The following GALNT13 variants were observed in gnomAD, a reference collection of about 807,000 sequenced individuals.
GALNT13 encodes the protein UDP-GalNAc:polypeptide N-acetylgalactosaminyltransferase 13.
In GALNT13, 28 loss-of-function variants were observed where a neutral mutation model predicts 64.2. The observed-to-expected ratio is 0.44, with a 90% CI of 0.32 to 0.60. The LOEUF (loss-of-function observed/expected upper bound fraction) is 0.60. Ranked by LOEUF, GALNT13 falls within the 20% of genes least tolerant of loss-of-function variation. The probability of loss-of-function intolerance (pLI) is 0.05; values close to 1 mark genes in which losing one functional copy is unlikely to be tolerated. For synonymous variants in GALNT13, 214 were observed against 224.6 expected (o/e 0.95, Z 0.42); for missense variants, 577 against 669.8 (o/e 0.86, Z 1.53).
At chr2:153,719,597 G>T in the GALNT13 span, among the ~76,000 whole-genome samples, 6 of 152,130 alleles carry the variant, frequency 3.9e-5, no homozygotes, top group Non-Finnish European at 8.8e-5. Context: ...CAGGCCAGTG[G>T]GTGCGCGCAC....
chr2:154,317,241 G>T (rs2105149436), intron 9 of GALNT13, among the ~76,000 whole-genome samples: 1 of 151,932 alleles, frequency 6.6e-6, no homozygotes, highest in Non-Finnish European at 1.5e-5. Context: ...ATGGTGTAGG[G>T]TTTTTACTAA....
the GALNT13 span, among the ~76,000 whole-genome samples, chr2:153,397,516 G>T: frequency 6.6e-6 from 1 of 152,038 alleles, no homozygotes; most frequent in Middle Eastern, 3.4e-3. Context: ...TCTAGAGAAA[G>T]ATTTATCTCA....
intron 3 of GALNT13, among the ~76,000 whole-genome samples, chr2:154,116,369 T>C (rs2105504573): frequency 6.6e-6 from 1 of 152,282 alleles, no homozygotes; most frequent in Admixed American, 6.5e-5. Flanking sequence ...GGTCAGCCAC[T>C]TGCATGATAA....
chr2:153,527,174 T>C, the GALNT13 span, among the ~76,000 whole-genome samples: 2 of 152,004 alleles, frequency 1.3e-5, no homozygotes, highest in African/African-American at 4.8e-5. Context: ...ACAGATATCA[T>C]TATCTAAGTA....
chr2:153,484,830 A>AT, the GALNT13 span, among the ~76,000 whole-genome samples: 1 of 152,184 alleles, frequency 6.6e-6, no homozygotes, highest in African/African-American at 2.4e-5. Flanking sequence ...ATCAACTAGG[A>AT]TGGGGATGGG....
At chr2:153,747,568 C>T in the GALNT13 span, among the ~76,000 whole-genome samples, 3 of 151,520 alleles carry the variant, frequency 2.0e-5, no homozygotes, top group Non-Finnish European at 2.9e-5. Context: ...GCTGGGATTA[C>T]GGGTGCACGC....
At chr2:153,250,012 G>A in the GALNT13 span, among the ~76,000 whole-genome samples, 1 of 152,108 alleles carries the variant, frequency 6.6e-6, no homozygotes, top group Non-Finnish European at 1.5e-5. Context: ...AAAAGCAACT[G>A]CAACAGAAGC....
chr2:153,121,177 C>A, the GALNT13 span, among the ~76,000 whole-genome samples: 1 of 152,168 alleles, frequency 6.6e-6, no homozygotes, highest in Non-Finnish European at 1.5e-5. Context: ...GATAGACTTT[C>A]CAAAGCTGAA....
chr2:154,130,756 A>G (rs1446587209), intron 3 of GALNT13, among the ~76,000 whole-genome samples: 1 of 152,218 alleles, frequency 6.6e-6, no homozygotes, highest in Non-Finnish European at 1.5e-5. Flanking sequence ...TCTTTTCTTT[A>G]TGACAAAAGT....
the GALNT13 span, among the ~76,000 whole-genome samples, chr2:153,588,938 A>C: frequency 1.3e-5 from 2 of 152,092 alleles, no homozygotes; most frequent in Non-Finnish European, 2.9e-5. Flanking sequence ...AGGCCAAGGC[A>C]GGTGGATCAC....
the GALNT13 span, among the ~76,000 whole-genome samples, chr2:153,143,324 C>A: frequency 6.6e-6 from 1 of 151,986 alleles, no homozygotes; most frequent in East Asian, 1.9e-4. Context: ...ACCCTAATTT[C>A]TGTGCTTTTG....
chr2:153,929,129 G>A (rs1411359358), intron 2 of GALNT13, among the ~76,000 whole-genome samples: 1 of 152,018 alleles, frequency 6.6e-6, no homozygotes, highest in East Asian at 1.9e-4. Context: ...AAGACAAAAG[G>A]CAGGAATTGT....
At chr2:153,290,492 G>A in the GALNT13 span, among the ~76,000 whole-genome samples, 1 of 152,200 alleles carries the variant, frequency 6.6e-6, no homozygotes, top group Non-Finnish European at 1.5e-5. Context: ...AGTTGTATCT[G>A]AGTAAGAATC....
chr2:154,185,514 G>T (rs1173487116), intron 4 of GALNT13, among the ~76,000 whole-genome samples: 2 of 151,644 alleles, frequency 1.3e-5, no homozygotes, highest in Admixed American at 1.3e-4. Context: ...TGTACCATAA[G>T]CCCTATAGGT....
intron 3 of GALNT13, among the ~76,000 whole-genome samples, chr2:153,967,481 C>T (rs1693452511): frequency 6.6e-6 from 1 of 152,114 alleles, no homozygotes; most frequent in South Asian, 2.1e-4. Flanking sequence ...AACACTGTGG[C>T]TCTTCACTTA....
chr2:153,847,627 G>C, the GALNT13 span, among the ~76,000 whole-genome samples: 1 of 150,094 alleles, frequency 6.7e-6, no homozygotes, highest in Non-Finnish European at 1.5e-5. Context: ...TAACCCAGGA[G>C]TAAAAAAAAA....
the GALNT13 span, among the ~76,000 whole-genome samples, chr2:153,220,797 G>GA: frequency 6.6e-6 from 1 of 152,084 alleles, no homozygotes; most frequent in African/African-American, 2.4e-5. Flanking sequence ...GCAGAAAAGA[G>GA]AAAAAATAAT....
chr2:153,154,317 C>G, the GALNT13 span, among the ~76,000 whole-genome samples: 1 of 152,156 alleles, frequency 6.6e-6, no homozygotes, highest in Non-Finnish European at 1.5e-5. Context: ...CCACGTAAGA[C>G]GTGCCTTTGC....
the GALNT13 span, among the ~76,000 whole-genome samples, chr2:153,620,026 G>A: frequency 6.6e-6 from 1 of 151,996 alleles, no homozygotes; most frequent in African/African-American, 2.4e-5. Context: ...TTATCCCTTA[G>A]AATAAACCTC....
Sources: gnomAD v4.1 joint callset for allele counts (sites outside exome capture counted in the v4.1 genomes callset) on GRCh38, gnomAD v4.1.1 for gene constraint, MANE v1.5 for transcripts, NCBI Gene and HGNC (gene_info 2026-07-23, HGNC 2026-07-21) for gene names.